DOCK2: variants seen among roughly 807,000 people sequenced by gnomAD.
The protein encoded by DOCK2 is dedicator of cytokinesis 2.
Under a neutral mutation model 248.9 loss-of-function variants are expected in DOCK2, and 87 were observed. That is an observed-to-expected ratio of 0.35 (90% CI 0.29 to 0.42). DOCK2 has a LOEUF of 0.42. Among genes scored for constraint, DOCK2 ranks in the 10% least tolerant of loss-of-function variants. The probability of loss-of-function intolerance (pLI) is 1.00; values close to 1 mark genes in which losing one functional copy is unlikely to be tolerated. For missense variants in DOCK2, 1,747 were observed against 2,300.2 expected, an observed-to-expected ratio of 0.76 and a Z score of 4.92; for synonymous variants, 805 against 821.6, an observed-to-expected ratio of 0.98 and a Z score of 0.35.
intron 27 of DOCK2, among the ~76,000 whole-genome samples, chr5:169,958,528 C>G (rs1200912793): frequency 6.6e-6 from 1 of 152,046 alleles, no homozygotes; most frequent in Non-Finnish European, 1.5e-5. Flanking sequence ...GCCCAGCCCC[C>G]TTTCCGTCTT....
Position 169,892,628 on chromosome 5 carries a change from A to T in DOCK2, c.2799+51776A>T, listed in dbSNP as rs144213671. ...TTTTTTCTACCACTCCAACCCTCTA[A>T]TTGCATTTGTCACAGACACCCAGGG... is the stretch of plus-strand genomic sequence containing the variant. On this transcript the variant is annotated intron_variant, in intron 27 of 51. Coordinates refer to ENST00000520908, the MANE Select transcript of DOCK2 (RefSeq NM_004946.3). Among the ~76,000 whole-genome samples, 907 of 152,206 alleles carry T rather than the reference A, an allele frequency of 6.0e-3. 9 individuals are homozygous for T. The highest frequency in any genetic ancestry group is 0.02 in the African/African-American group (839 of 41,530).
At position 170,041,051 on chromosome 5, in the gene DOCK2, A is replaced by AT; in HGVS notation, c.3666-4_3666-3insT. On this transcript the variant is annotated splice_region_variant and splice_polypyrimidine_tract_variant and intron_variant, in intron 36 of 51. Coordinates refer to ENST00000520908, the MANE Select transcript of DOCK2 (RefSeq NM_004946.3). ...TAGCTTACTGCATATTTTCCCTCAA[A>AT]CAGGTACCTGTACAAACTCCGCGAT... is the stretch of plus-strand genomic sequence containing the variant. 6.2e-7 allele frequency: 1 copy of AT among 1,612,310 alleles called. No individual in the cohort carries two copies. Among genetic ancestry groups the AT allele is most frequent in the East Asian group, 2.2e-5 (1 of 44,736 alleles).
At chr5:169,677,566 T>TAAATACATTTCC (rs1759405625) in intron 6 of DOCK2, among the ~76,000 whole-genome samples, 8 of 152,186 alleles carry the variant, frequency 5.3e-5, no homozygotes, top group African/African-American at 7.2e-5. Context: ...CCCCTAAACC[T>TAAATACATTTCC]GCTGAATATG....
At chr5:169,909,153 T>C (rs1224486869) in intron 27 of DOCK2, among the ~76,000 whole-genome samples, 3 of 152,236 alleles carry the variant, frequency 2.0e-5, no homozygotes, top group Non-Finnish European at 4.4e-5. Flanking sequence ...GCCTTCATTC[T>C]TTATCTATCA....
chr5:170,069,295 A>G lies in DOCK2; in HGVS notation c.4728+75A>G. The G allele has an allele frequency of 2.0e-6, 3 of 1,491,124 alleles. No homozygotes were observed. In the East Asian group the frequency reaches 7.1e-5, roughly 35 times the overall value. 92.4% of individuals were successfully genotyped at this position (1,491,124 alleles called of 1,614,324 possible). ...CACCGTGGTTCACTTGCCCCACGCTAGGCTCTAGCTGAGGCAGCCTGAATT... is the reference window on the plus strand; with the variant it reads ...CACCGTGGTTCACTTGCCCCACGCTGGGCTCTAGCTGAGGCAGCCTGAATT... On this transcript the variant is annotated intron_variant, in intron 46 of 51. Coordinates refer to ENST00000520908, the MANE Select transcript of DOCK2 (RefSeq NM_004946.3).
At chr5:169,648,140 G>A (rs1326732854) in intron 1 of DOCK2, among the ~76,000 whole-genome samples, 2 of 152,154 alleles carry the variant, frequency 1.3e-5, no homozygotes, top group South Asian at 2.1e-4. Flanking sequence ...CCAGCATGAT[G>A]TTTCAGAGCA....
chr5:170,075,892 C>T, intron 46 of DOCK2, 55 bp from the exon 47 acceptor site: 2 of 1,603,414 alleles, frequency 1.2e-6, no homozygotes, highest in Non-Finnish European at 1.7e-6. Context: ...GGCGGGGTGC[C>T]AGGCTGAGGC....
chr5:169,871,159 C>T (rs764511519), intron 27 of DOCK2, among the ~76,000 whole-genome samples: 1 of 152,192 alleles, frequency 6.6e-6, no homozygotes, highest in Non-Finnish European at 1.5e-5. Flanking sequence ...AATATCATCA[C>T]ATGGGGCATT....
chr5:169,677,244 T>A (rs1396460072), intron 6 of DOCK2, among the ~76,000 whole-genome samples: 2 of 152,202 alleles, frequency 1.3e-5, no homozygotes, highest in African/African-American at 4.8e-5. Context: ...TCCCTAACAA[T>A]AGGAGCTATC....
At chr5:170,034,602 GGCTT>G (rs749198394) in intron 35 of DOCK2, 47 bp downstream of exon 35, 1 of 1,604,974 alleles carries the variant, frequency 6.2e-7, no homozygotes, top group South Asian at 1.1e-5. Flanking sequence ...CCTGTGGGGG[GGCTT>G]GGGCTTGGCT....
At chr5:169,941,414 T>G (rs1373504829) in intron 27 of DOCK2, among the ~76,000 whole-genome samples, 1 of 152,012 alleles carries the variant, frequency 6.6e-6, no homozygotes, top group Non-Finnish European at 1.5e-5. Flanking sequence ...TCAGGCTGGT[T>G]AGAGAGGCTT....
intron 26 of DOCK2, among the ~76,000 whole-genome samples, chr5:169,816,757 A>G (rs1768091819): frequency 6.6e-6 from 1 of 152,080 alleles, no homozygotes; most frequent in Non-Finnish European, 1.5e-5. Context: ...GTTTTGATAC[A>G]GGCATGGACT....
chr5:169,803,899 A>T (rs983097498), intron 26 of DOCK2, among the ~76,000 whole-genome samples: 2 of 152,174 alleles, frequency 1.3e-5, no homozygotes, highest in African/African-American at 4.8e-5. Context: ...ATTCTTAAGC[A>T]TTGGAAGATG....
At chr5:170,002,151 G>A (rs1359002599) in intron 30 of DOCK2, among the ~76,000 whole-genome samples, 3 of 151,808 alleles carry the variant, frequency 2.0e-5, no homozygotes, top group Admixed American at 6.6e-5. Context: ...TAGAAATTCC[G>A]GTTCTAGGAA....
rs77073922 is a variant in DOCK2, at chr5:169,638,416, G to A, written c.43+1047G>A. Reference sequence around the variant, plus strand: ...CAAGGGGCAGTTACAAAGTAAGGAAGGATACAGCTTCTGCCCTTGAGGAGT... The same window carrying A: ...CAAGGGGCAGTTACAAAGTAAGGAAAGATACAGCTTCTGCCCTTGAGGAGT... On this transcript the variant is annotated intron_variant, in intron 1 of 51. Coordinates refer to ENST00000520908, the MANE Select transcript of DOCK2 (RefSeq NM_004946.3). 2.9e-3 allele frequency among the ~76,000 whole-genome samples: 442 copies of A among 152,322 alleles called. 1 individual carries two copies. Among genetic ancestry groups the A allele is most frequent in the African/African-American group, 0.01 (425 of 41,564 alleles).
At chr5:169,850,289 A>G (rs184267297) in intron 27 of DOCK2, among the ~76,000 whole-genome samples, 21 of 152,294 alleles carry the variant, frequency 1.4e-4, no homozygotes, top group African/African-American at 5.1e-4. Flanking sequence ...CCTTCCCAGC[A>G]TTGCAAGCCT....
intron 27 of DOCK2, among the ~76,000 whole-genome samples, chr5:169,944,906 C>T: frequency 6.6e-6 from 1 of 152,208 alleles, no homozygotes. Flanking sequence ...TTTCCTTGCC[C>T]TGTCTCTTGT....
chr5:169,911,803 A>G (rs1774612548), intron 27 of DOCK2, among the ~76,000 whole-genome samples: 1 of 152,340 alleles, frequency 6.6e-6, no homozygotes, highest in East Asian at 1.9e-4. Flanking sequence ...TACATCAGCA[A>G]GTTCCACGGA....
chr5:169,946,297 G>A (rs898521500), intron 27 of DOCK2, among the ~76,000 whole-genome samples: 19 of 152,206 alleles, frequency 1.2e-4, no homozygotes, highest in Admixed American at 2.6e-4. Context: ...AGGGGTATCC[G>A]GAGGCAGGCA....
Sources: allele counts gnomAD v4.1 joint callset (sites outside exome capture counted in the v4.1 genomes callset), GRCh38; gene constraint gnomAD v4.1.1; transcripts MANE v1.5; gene names NCBI Gene and HGNC (gene_info 2026-07-23, HGNC 2026-07-21).